Variants in STK3 observed in about 807,000 individuals in gnomAD.
STK3 encodes serine/threonine-protein kinase 3.
A neutral mutation model predicts 58.0 loss-of-function variants in STK3; 41 were observed. The observed-to-expected ratio is 0.71, with a 90% CI of 0.55 to 0.92. The LOEUF (loss-of-function observed/expected upper bound fraction) is 0.92. Among genes scored for constraint, STK3 ranks in the 40% least tolerant of loss-of-function variants. STK3 has a pLI of 0.00. For missense variants in STK3, 479 were observed against 602.7 expected (o/e 0.79, Z 2.15); for synonymous variants, 170 against 191.0 (o/e 0.89, Z 0.91).
intron 4 of STK3, among the ~76,000 whole-genome samples, chr8:98,709,151 A>C (rs779513089): frequency 3.8e-4 from 58 of 152,292 alleles, no homozygotes; most frequent in Middle Eastern, 3.4e-3. Context: ...TTCTATCTAT[A>C]AGCAACGGGA....
At chr8:98,552,945 G>A (rs1211504567) in intron 8 of STK3, among the ~76,000 whole-genome samples, 2 of 152,092 alleles carry the variant, frequency 1.3e-5, no homozygotes, top group Non-Finnish European at 2.9e-5. Context: ...AGTTTTTAGG[G>A]AGTTTGAGAT....
chr8:98,496,086 C>A (rs1022475174), intron 10 of STK3, among the ~76,000 whole-genome samples: 1 of 152,170 alleles, frequency 6.6e-6, no homozygotes, highest in Non-Finnish European at 1.5e-5. Context: ...TGACCCCCAA[C>A]TAGATTGCAA....
intron 4 of STK3, among the ~76,000 whole-genome samples, chr8:98,741,576 G>T (rs906109752): frequency 2.6e-4 from 40 of 152,140 alleles, no homozygotes; most frequent in African/African-American, 7.5e-4. Flanking sequence ...TACCAGAATC[G>T]CTGGGACACA....
At chr8:98,618,524 G>C (rs909298961) in intron 6 of STK3, among the ~76,000 whole-genome samples, 1 of 151,072 alleles carries the variant, frequency 6.6e-6, no homozygotes, top group African/African-American at 2.4e-5. Flanking sequence ...AAGTCAAACT[G>C]TCCCTGTTTG....
upstream of STK3, among the ~76,000 whole-genome samples, chr8:98,828,048 C>A (rs1587718103): frequency 6.6e-6 from 1 of 151,142 alleles, no homozygotes; most frequent in Non-Finnish European, 1.5e-5. Flanking sequence ...GATCTCAGGT[C>A]ACTGCAACCT....
intron 3 of STK3, among the ~76,000 whole-genome samples, chr8:98,860,110 T>C (rs538684240): frequency 3.6e-4 from 55 of 152,342 alleles, no homozygotes; most frequent in African/African-American, 1.3e-3. Flanking sequence ...TTTACTACTA[T>C]GTGCGAGCCA....
At chr8:98,441,051 A>T (rs1818676254) in intron 1 of STK3, among the ~76,000 whole-genome samples, 1 of 152,214 alleles carries the variant, frequency 6.6e-6, no homozygotes, top group Non-Finnish European at 1.5e-5. Flanking sequence ...AGTCTTCACC[A>T]CAACACTAGA....
intron 6 of STK3, among the ~76,000 whole-genome samples, chr8:98,604,894 T>C (rs1241951057): frequency 6.6e-6 from 1 of 152,236 alleles, no homozygotes; most frequent in Non-Finnish European, 1.5e-5. Flanking sequence ...AAATTTCTTC[T>C]GCCAGATACC....
At chr8:98,838,680 T>G (rs1003352482) in intron 3 of STK3, among the ~76,000 whole-genome samples, 1 of 152,140 alleles carries the variant, frequency 6.6e-6, no homozygotes, top group Admixed American at 6.5e-5. Context: ...ACTAAAAATC[T>G]CACAGAAGTG....
At chr8:98,848,564 T>C (rs1254664532) in intron 3 of STK3, among the ~76,000 whole-genome samples, 1 of 152,216 alleles carries the variant, frequency 6.6e-6, no homozygotes, top group Non-Finnish European at 1.5e-5. Flanking sequence ...TCTACAGATT[T>C]ACCTATTCTG....
chr8:98,446,983 A>G (rs1165163046), intron 1 of STK3, among the ~76,000 whole-genome samples: 1 of 152,186 alleles, frequency 6.6e-6, no homozygotes, highest in African/African-American at 2.4e-5. Flanking sequence ...AAACAAACAC[A>G]GGAACAGAAA....
chr8:98,663,379 T>C (rs1169378959), intron 6 of STK3, among the ~76,000 whole-genome samples: 1 of 152,150 alleles, frequency 6.6e-6, no homozygotes, highest in Non-Finnish European at 1.5e-5. Flanking sequence ...CAACAGGTGC[T>C]AGAGAGGATG....
At chr8:98,422,097 T>C (rs980336649) in intron 3 of STK3, among the ~76,000 whole-genome samples, 3 of 152,130 alleles carry the variant, frequency 2.0e-5, no homozygotes, top group African/African-American at 7.2e-5. Flanking sequence ...GGAAGGGCTG[T>C]AGTCAAATGG....
intron 6 of STK3, among the ~76,000 whole-genome samples, chr8:98,706,100 A>G (rs1028392989): frequency 6.6e-6 from 1 of 152,066 alleles, no homozygotes; most frequent in African/African-American, 2.4e-5. Flanking sequence ...CAGAGTGGGT[A>G]AAAAAGTGAG....
intron 4 of STK3, among the ~76,000 whole-genome samples, chr8:98,743,916 C>T (rs935838848): frequency 7.7e-4 from 117 of 152,248 alleles, no homozygotes; most frequent in African/African-American, 2.6e-3. Context: ...CAAAAGTGGG[C>T]GAAGGACATG....
intron 6 of STK3, among the ~76,000 whole-genome samples, chr8:98,703,812 A>G (rs1825781180): frequency 6.6e-6 from 1 of 152,158 alleles, no homozygotes; most frequent in African/African-American, 2.4e-5. Context: ...GATTAATTAC[A>G]CTATACTTTC....
At chr8:98,760,808 A>G (rs1037001968) in intron 3 of STK3, among the ~76,000 whole-genome samples, 4 of 151,932 alleles carry the variant, frequency 2.6e-5, no homozygotes, top group African/African-American at 9.7e-5. Context: ...ACAGCTCCCT[A>G]CACTCTTTAT....
Position 98,707,561 on chromosome 8 carries a change from A to G in STK3, c.352-250T>C, listed in dbSNP as rs535354259. ...AGAACTACAGGCACATGCCAACCCA[A>G]TAGGCTAACTTATTTTTATTTTTGT... On this transcript the variant is annotated intron_variant, in intron 4 of 10. Transcript: ENST00000419617. Among the ~76,000 whole-genome samples the G allele has an allele frequency of 6.4e-4, 97 of 152,060 alleles. 1 individual carries two copies. Among genetic ancestry groups the G allele is most frequent in the African/African-American group, 2.2e-3 (91 of 41,498 alleles).
At chr8:98,858,319 TATATAGAGAGAGAGAG>T (rs1836768704) in intron 3 of STK3, among the ~76,000 whole-genome samples, 1 of 39,946 alleles carries the variant, frequency 2.5e-5, no homozygotes, top group Non-Finnish European at 4.6e-5. Flanking sequence ...TATATATATA[TATATAGAGAGAGAGAG>T]AGAGAGAGAG....
Sources: gnomAD v4.1 joint callset for allele counts (sites outside exome capture counted in the v4.1 genomes callset) on GRCh38, gnomAD v4.1.1 for gene constraint, MANE v1.5 for transcripts, NCBI Gene and HGNC (gene_info 2026-07-23, HGNC 2026-07-21) for gene names.